Variants in DLGAP2 observed in about 807,000 individuals in gnomAD.
DLGAP2 encodes the protein DLG associated protein 2.
In DLGAP2, 26 loss-of-function variants were observed where a neutral mutation model predicts 100.3. The observed-to-expected ratio is 0.26, with a 90% CI of 0.19 to 0.36. The LOEUF is 0.36. DLGAP2 is among the 10% of genes least tolerant of loss of function. The probability of loss-of-function intolerance (pLI) is 1.00; values close to 1 mark genes in which losing one functional copy is unlikely to be tolerated. For synonymous variants in DLGAP2, 886 were observed against 630.1 expected (o/e 1.41, Z -6.08); for missense variants, 1,858 against 1,453.2 (o/e 1.28, Z -4.53).
At chr8:738,609 A>G (rs1427023926) in intron 1 of DLGAP2, 2 of 151,416 alleles carry the variant, frequency 1.3e-5, no homozygotes, top group African/African-American at 4.9e-5. Flanking sequence ...GGATGTAATT[A>G]TTACAGCCCT....
chr8:1,264,607 G>C (rs1034832104), intron 3 of DLGAP2, among the ~76,000 whole-genome samples: 14 of 152,048 alleles, frequency 9.2e-5, no homozygotes, highest in African/African-American at 3.1e-4. Flanking sequence ...GAACCTAAGG[G>C]CTCTGGCAGA....
intron 1 of DLGAP2, among the ~76,000 whole-genome samples, chr8:843,479 T>C (rs1244320596): frequency 6.6e-6 from 1 of 152,216 alleles, no homozygotes; most frequent in Non-Finnish European, 1.5e-5. Flanking sequence ...CTTGGGCCAC[T>C]GTGCATGGTG....
chr8:1,365,195 C>T (rs1199452560), intron 3 of DLGAP2, among the ~76,000 whole-genome samples: 2 of 152,174 alleles, frequency 1.3e-5, no homozygotes, highest in East Asian at 1.9e-4. Flanking sequence ...CCTGGGTGGT[C>T]ACTTCTACCC....
chr8:1,217,656 C>A (rs1211732174), intron 2 of DLGAP2, among the ~76,000 whole-genome samples: 5 of 152,020 alleles, frequency 3.3e-5, no homozygotes, highest in African/African-American at 9.7e-5. Flanking sequence ...TTTTAACCTC[C>A]CTGGTTAGCT....
At chr8:1,159,021 C>T (rs1480691015) in intron 2 of DLGAP2, among the ~76,000 whole-genome samples, 3 of 152,180 alleles carry the variant, frequency 2.0e-5, no homozygotes, top group Non-Finnish European at 4.4e-5. Context: ...GAGATGAAAA[C>T]ACTTTCTTGT....
intron 3 of DLGAP2, among the ~76,000 whole-genome samples, chr8:1,468,419 G>T (rs1441422099): frequency 3.3e-5 from 5 of 151,478 alleles, no homozygotes; most frequent in Admixed American, 3.3e-4. Flanking sequence ...GATCCGGGCT[G>T]GTCCTGAGTC....
At chr8:1,555,619 G>A (rs776346614) in intron 5 of DLGAP2, among the ~76,000 whole-genome samples, 17 of 152,272 alleles carry the variant, frequency 1.1e-4, no homozygotes, top group Middle Eastern at 3.4e-3. Context: ...CTGTGCCTTC[G>A]AGCCTCTCAC....
At chr8:887,344 G>A (rs1797943209) in intron 1 of DLGAP2, among the ~76,000 whole-genome samples, 1 of 152,106 alleles carries the variant, frequency 6.6e-6, no homozygotes, top group Admixed American at 6.6e-5. Context: ...GTCTGTGTCT[G>A]TTAATTGGGG....
intron 2 of DLGAP2, among the ~76,000 whole-genome samples, chr8:1,257,258 T>TCCCCG (rs1241917702): frequency 6.6e-6 from 1 of 151,864 alleles, no homozygotes; most frequent in African/African-American, 2.4e-5. Flanking sequence ...GTGAGCTCCG[T>TCCCCG]CCCCGCCCCG....
chr8:1,290,808 A>G (rs1355915862), intron 3 of DLGAP2, among the ~76,000 whole-genome samples: 1 of 152,228 alleles, frequency 6.6e-6, no homozygotes, highest in East Asian at 1.9e-4. Flanking sequence ...TGTCAACATA[A>G]ACAATACTGT....
chr8:1,331,816 T>A (rs1259651097), intron 3 of DLGAP2, among the ~76,000 whole-genome samples: 1 of 152,222 alleles, frequency 6.6e-6, no homozygotes, highest in Non-Finnish European at 1.5e-5. Context: ...TTCTGGGATC[T>A]GTGAACAGGC....
chr8:996,195 G>T (rs1488615929), intron 2 of DLGAP2, among the ~76,000 whole-genome samples: 2 of 152,182 alleles, frequency 1.3e-5, no homozygotes, highest in South Asian at 2.1e-4. Flanking sequence ...GGAACTCTCT[G>T]GCTAGACCAA....
chr8:867,637 C>T (rs1346552551), intron 1 of DLGAP2, among the ~76,000 whole-genome samples: 2 of 152,218 alleles, frequency 1.3e-5, no homozygotes, highest in East Asian at 3.8e-4. Flanking sequence ...ATGAATAAGT[C>T]ACTGACACTG....
intron 4 of DLGAP2, among the ~76,000 whole-genome samples, chr8:1,517,048 G>A (rs1800417102): frequency 6.6e-6 from 1 of 152,162 alleles, no homozygotes; most frequent in South Asian, 2.1e-4. Flanking sequence ...CGGTCACCAG[G>A]AATCGAGGTT....
rs555555916 is a variant in DLGAP2 at position 1,480,911 on chromosome 8, G to A, written c.107-20455G>A. On this transcript the variant is annotated intron_variant, in intron 3 of 14. Coordinates refer to ENST00000637795, the MANE Select transcript of DLGAP2 (RefSeq NM_001346810.2). Reference sequence around the variant, plus strand: ...GAAAAGGCTGGGAAGGGTGGCTTACGCCTGTAATCCCAGCACTTTGGGAGG... The same window carrying A: ...GAAAAGGCTGGGAAGGGTGGCTTACACCTGTAATCCCAGCACTTTGGGAGG... Among the ~76,000 whole-genome samples the A allele has an allele frequency of 5.3e-4, 79 of 149,688 alleles. 1 individual carries two copies. In the South Asian group the frequency reaches 8.8e-3, roughly 17 times the overall value.
intron 3 of DLGAP2, among the ~76,000 whole-genome samples, chr8:1,428,193 A>G (rs1797291964): frequency 1.3e-5 from 2 of 152,106 alleles, no homozygotes; most frequent in South Asian, 2.1e-4. Flanking sequence ...GACAATCTCT[A>G]TCAAAACTCA....
At chr8:1,159,988 T>C (rs1302313539) in intron 2 of DLGAP2, among the ~76,000 whole-genome samples, 5 of 152,040 alleles carry the variant, frequency 3.3e-5, no homozygotes, top group Non-Finnish European at 2.9e-5. Context: ...TGTGGAGGCG[T>C]CTTTAAGTGT....
intron 3 of DLGAP2, among the ~76,000 whole-genome samples, chr8:1,408,406 A>G (rs1205668991): frequency 6.6e-6 from 1 of 151,450 alleles, no homozygotes; most frequent in Non-Finnish European, 1.5e-5. Flanking sequence ...GTTCGCCACA[A>G]CCTGTTAGTT....
chr8:758,762 A>C (rs147850124), intron 1 of DLGAP2, among the ~76,000 whole-genome samples: 2 of 152,106 alleles, frequency 1.3e-5, no homozygotes, highest in South Asian at 4.1e-4. Flanking sequence ...TGGTCTTGCC[A>C]TTTTGTCCAG....
Sources: gnomAD v4.1 joint callset for allele counts (sites outside exome capture counted in the v4.1 genomes callset) on GRCh38, gnomAD v4.1.1 for gene constraint, MANE v1.5 for transcripts, NCBI Gene and HGNC (gene_info 2026-07-23, HGNC 2026-07-21) for gene names.